Variants in SPG11 observed in about 807,000 individuals in gnomAD.
SPG11 encodes the protein spatacsin.
SPG11 carries 222 observed loss-of-function variants against 274.0 expected under a neutral mutation model. The observed-to-expected ratio is 0.81, with a 90% CI of 0.73 to 0.91. SPG11 has a LOEUF of 0.91. Ranked by LOEUF, SPG11 falls within the 40% of genes least tolerant of loss-of-function variation. The pLI is 0.00. For synonymous variants in SPG11, 1,144 were observed against 1,039.7 expected (o/e 1.10, Z -1.93); for missense variants, 3,114 against 2,872.7 (o/e 1.08, Z -1.92).
Position 44,595,419 on chromosome 15 carries a change from G to A in SPG11, c.4475C>T (p.Thr1492Ile), listed in dbSNP as rs751921079. 4 of 1,614,090 alleles carry A rather than the reference G, an allele frequency of 2.5e-6. No individual in the cohort carries two copies. The Admixed American group carries it at 6.7e-5, about 27-fold the overall frequency. ...AGTTGCAACATTGTCCTCCACAGAAGTGATGATCCAAACACAGAGACAAGA... is the reference window on the plus strand; with the variant it reads ...AGTTGCAACATTGTCCTCCACAGAAATGATGATCCAAACACAGAGACAAGA... Reference protein sequence around the residue: ...AISCLCVWIITSVEDNVATEA... With the variant: ...AISCLCVWIIISVEDNVATEA... Residue 1492 changes from threonine to isoleucine, a missense_variant, in exon 26 of 40, where the codon ACT (threonine) becomes ATT (isoleucine). Physicochemically the swap from Thr to Ile is moderately conservative, Grantham distance 89 (BLOSUM62 -1). Transcript: ENST00000261866.
chr15:44,652,794 G>A (rs1211980576), intron 4 of SPG11, among the ~76,000 whole-genome samples: 1 of 151,878 alleles, frequency 6.6e-6, no homozygotes, highest in African/African-American at 2.4e-5. Flanking sequence ...AGCTGGGACT[G>A]CAGGTGCATG....
chr15:44,636,446 T>G (rs898183591), intron 7 of SPG11, among the ~76,000 whole-genome samples: 1 of 151,410 alleles, frequency 6.6e-6, no homozygotes, highest in Non-Finnish European at 1.5e-5. Flanking sequence ...AAGGTACAAT[T>G]AAAACAAATG....
At chr15:44,596,698 G>C in intron 24 of SPG11, 86 bp downstream of exon 24, 1 of 520,722 alleles carries the variant, frequency 1.9e-6, no homozygotes, top group South Asian at 1.5e-5. Context: ...AAAGGCCTAT[G>C]TCATGTCTAC....
intron 19 of SPG11, among the ~76,000 whole-genome samples, 185 bp downstream of exon 19, chr15:44,608,259 A>T (rs2083372877): frequency 6.6e-6 from 1 of 152,232 alleles, no homozygotes; most frequent in Middle Eastern, 3.4e-3. Flanking sequence ...CTTAGGGGTG[A>T]TGATGGCTTT....
intron 7 of SPG11, among the ~76,000 whole-genome samples, chr15:44,645,445 T>C (rs767066181): frequency 9.2e-5 from 14 of 152,172 alleles, no homozygotes; most frequent in Non-Finnish European, 1.6e-4. Flanking sequence ...ACCCCTTTCT[T>C]ATACCACATA....
chr15:44,611,842 A>C, intron 17 of SPG11, among the ~76,000 whole-genome samples: 2 of 114,852 alleles, frequency 1.7e-5, no homozygotes, highest in African/African-American at 3.5e-5. Flanking sequence ...ATGGAGTCTC[A>C]CTCTCTCACC....
chr15:44,579,785 T>A (rs1303202503), intron 30 of SPG11, among the ~76,000 whole-genome samples: 1 of 152,202 alleles, frequency 6.6e-6, no homozygotes, highest in African/African-American at 2.4e-5. Context: ...TTACGTGCTG[T>A]ATAACCATGT....
Position 44,651,946 on chromosome 15 carries a change from A to T in SPG11, c.1008-7T>A. 6.2e-7 allele frequency: 1 copy of T among 1,608,548 alleles called. No homozygotes were observed. Among genetic ancestry groups the T allele is most frequent in the East Asian group, 2.2e-5 (1 of 44,856 alleles). ...TAGCTGGGCTTTCCAAGACCTGGAA[A>T]CAAGGTAAAATATAACTTAACACCT... On this transcript the variant is annotated splice_region_variant and splice_polypyrimidine_tract_variant and intron_variant, in intron 5 of 39. Coordinates refer to ENST00000261866, the MANE Select transcript of SPG11 (RefSeq NM_025137.4).
chr15:44,615,316 GA>G (rs2083564702), intron 16 of SPG11, 46 bp downstream of exon 16: 1 of 1,572,646 alleles, frequency 6.4e-7, no homozygotes, highest in Admixed American at 1.7e-5. Context: ...TATGCAAAGA[GA>G]AAATGTGAAG....
rs760618394 is a variant in SPG11, at chr15:44,589,346, G to GA, written c.4811dup (p.Leu1605ProfsTer10). On this transcript the variant is annotated frameshift_variant, in exon 28 of 40. Coordinates refer to ENST00000261866, the MANE Select transcript of SPG11 (RefSeq NM_025137.4). LOFTEE classifies it high-confidence loss of function. ...ACTGCTGTAGCATAAGCTTCAAAAGGAAACACACCTGATCCTCCAGCCACA... is the reference window on the plus strand; with the variant it reads ...ACTGCTGTAGCATAAGCTTCAAAAGGAAAACACACCTGATCCTCCAGCCACA... 2.5e-6 allele frequency: 4 copies of GA among 1,614,146 alleles called. No homozygotes were observed. The highest frequency in any genetic ancestry group is 2.5e-6 in the Non-Finnish European group (3 of 1,180,000).
intron 20 of SPG11, among the ~76,000 whole-genome samples, chr15:44,600,959 C>G (rs988958068): frequency 6.6e-6 from 1 of 152,114 alleles, no homozygotes; most frequent in African/African-American, 2.4e-5. Context: ...TTGAGACCAG[C>G]CTGACCAAGT....
intron 16 of SPG11, among the ~76,000 whole-genome samples, chr15:44,613,877 G>C (rs2083525177): frequency 6.6e-6 from 1 of 152,020 alleles, no homozygotes; most frequent in African/African-American, 2.4e-5. Context: ...TTAATAAGAG[G>C]CTTTTAAAAA....
chr15:44,659,619 A>C lies in SPG11; in HGVS notation c.443-316T>G, dbSNP rs114266029. ...TTTTCTTTTTTTAAAAGAAAAAAAGAAGAAACCTTATAATCAAGGGTGAAG... is the reference window on the plus strand; with the variant it reads ...TTTTCTTTTTTTAAAAGAAAAAAAGCAGAAACCTTATAATCAAGGGTGAAG... On this transcript the variant is annotated intron_variant, in intron 2 of 39. Coordinates refer to ENST00000261866, the MANE Select transcript of SPG11 (RefSeq NM_025137.4). 0.013 allele frequency among the ~76,000 whole-genome samples: 1,910 copies of C among 152,224 alleles called. 50 individuals are homozygous for C. Among genetic ancestry groups the C allele is most frequent in the African/African-American group, 0.044 (1,834 of 41,552 alleles).
At position 44,567,341 on chromosome 15, in the gene SPG11, C is replaced by T. The variant is rs2082330700; in HGVS notation, c.6754+83G>A. Reference sequence around the variant, plus strand: ...ACTCCAGCCTGGGGACAGAGCGAGACTCTGTCTCAAAAAAAAAAAAAAAAA... The same window carrying T: ...ACTCCAGCCTGGGGACAGAGCGAGATTCTGTCTCAAAAAAAAAAAAAAAAA... On this transcript the variant is annotated intron_variant, in intron 36 of 39. Transcript: ENST00000261866. The T allele has an allele frequency of 7.6e-6, 11 of 1,451,800 alleles. No individual in the cohort carries two copies. In the Admixed American group the frequency reaches 1.3e-4, roughly 17 times the overall value. The allele number at this position is 1,451,800 out of a possible 1,614,324, so 89.9% of individuals were successfully genotyped here. A position where few individuals can be genotyped will look rare whatever the true frequency, so the allele number is the denominator to read the frequency against.
Position 44,623,719 on chromosome 15 carries a change from C to T in SPG11, c.2245-920G>A, listed in dbSNP as rs143113974. 6.3e-3 allele frequency among the ~76,000 whole-genome samples: 964 copies of T among 152,246 alleles called. 10 individuals are homozygous for T. Among genetic ancestry groups the T allele is most frequent in the African/African-American group, 0.021 (886 of 41,540 alleles). On this transcript the variant is annotated intron_variant, in intron 11 of 39. Coordinates refer to ENST00000261866, the MANE Select transcript of SPG11 (RefSeq NM_025137.4). ...TCTTCTATGAGAAACACTATCTCCT[C>T]CTAATCAAAGTGCCAGGTCTAACAG...
chr15:44,649,151 A>G, intron 6 of SPG11, 140 bp from the exon 7 acceptor site: 1 of 730,744 alleles, frequency 1.4e-6, no homozygotes, highest in Non-Finnish European at 2.2e-6. Context: ...ATGTACTATA[A>G]TGATCTTAAC....
At chr15:44,598,141 A>C in intron 23 of SPG11, 124 bp downstream of exon 23, 1 of 706,378 alleles carries the variant, frequency 1.4e-6, no homozygotes, top group South Asian at 1.5e-5. Context: ...ATGCTAGATA[A>C]AGAAGAAGAT....
intron 11 of SPG11, among the ~76,000 whole-genome samples, chr15:44,624,341 A>AG (rs1555456126): frequency 5.3e-5 from 8 of 151,790 alleles, no homozygotes; most frequent in South Asian, 2.1e-4. Flanking sequence ...AGAAAAAAAA[A>AG]AGAGAGAGAG....
rs910856901 is a variant in SPG11, at chr15:44,629,133, G to A, written c.1891+100C>T. 29 of 1,338,020 alleles carry A rather than the reference G, an allele frequency of 2.2e-5. 1 individual carries two copies. In the South Asian group the frequency reaches 3.3e-4, roughly 15 times the overall value. The allele number at this position is 1,338,020 out of a possible 1,614,324, so 82.9% of individuals were successfully genotyped here. On this transcript the variant is annotated intron_variant, in intron 9 of 39. Transcript: ENST00000261866. ...CTGACCTTACCCAAATGTAGTAAAT[G>A]GCGTGCCACTGGTTTATGCTGTGTC...
Sources: gnomAD v4.1 joint callset for allele counts (sites outside exome capture counted in the v4.1 genomes callset) on GRCh38, gnomAD v4.1.1 for gene constraint, MANE v1.5 for transcripts, NCBI Gene and HGNC (gene_info 2026-07-23, HGNC 2026-07-21) for gene names.